CLEC2B: variants seen among roughly 807,000 people sequenced by gnomAD.
The protein encoded by CLEC2B is C-type (calcium dependent, carbohydrate-recognition domain) lectin, superfamily member 2 (activation-induced).
Under a neutral mutation model 16.2 loss-of-function variants are expected in CLEC2B, and 14 were observed. The ratio of observed to expected loss-of-function variants is 0.86; its 90% CI spans 0.57 to 1.35. CLEC2B has a LOEUF of 1.35. Ranked by LOEUF, CLEC2B falls within the 40% of genes most tolerant of loss-of-function variation. The pLI, the probability that CLEC2B is intolerant of heterozygous loss-of-function variation, is 0.00. For synonymous variants in CLEC2B, 42 were observed against 55.8 expected (o/e 0.75, Z 1.10); for missense variants, 166 against 182.3 (o/e 0.91, Z 0.52).
At chr12:9,864,159 T>A (rs1867953226) in intron 1 of CLEC2B, among the ~76,000 whole-genome samples, 1 of 71,178 alleles carries the variant, frequency 1.4e-5, no homozygotes, top group African/African-American at 4.4e-5. Context: ...ATTTTTTAAG[T>A]GCTGAAAAAA....
chr12:9,864,063 A>G (rs1288511161), intron 1 of CLEC2B, among the ~76,000 whole-genome samples: 1 of 151,908 alleles, frequency 6.6e-6, no homozygotes, highest in Non-Finnish European at 1.5e-5. Context: ...AAGAGAAGAG[A>G]AGCAAATAAT....
chr12:9,866,328 T>C (rs2136982105), intron 1 of CLEC2B, among the ~76,000 whole-genome samples: 1 of 152,272 alleles, frequency 6.6e-6, no homozygotes, highest in Admixed American at 6.5e-5. Flanking sequence ...TCCCCATGAA[T>C]TGGCATAATG....
In CLEC2B at chr12:9,856,196, A is replaced by ACATTTATT. The variant is rs573031531; in HGVS notation, c.237+1270_237+1277dup. Reference sequence around the variant, plus strand: ...TGCTGACAATATTCCTATAGTGGACACATTTATTTTAATATTGATTGTCTT... The same window carrying ACATTTATT: ...TGCTGACAATATTCCTATAGTGGACACATTTATTCATTTATTTTAATATTGATTGTCTT... On this transcript the variant is annotated intron_variant, in intron 3 of 4. Transcript: ENST00000228438. 1.4e-3 allele frequency among the ~76,000 whole-genome samples: 213 copies of ACATTTATT among 152,174 alleles called. 2 individuals carry two copies. Among genetic ancestry groups the ACATTTATT allele is most frequent in the African/African-American group, 4.9e-3 (202 of 41,548 alleles).
intron 1 of CLEC2B, among the ~76,000 whole-genome samples, chr12:9,865,866 C>T (rs1225868213): frequency 2.0e-5 from 3 of 152,084 alleles, no homozygotes; most frequent in Non-Finnish European, 4.4e-5. Flanking sequence ...TCAGAAACTG[C>T]ACAAACATGA....
chr12:9,865,801 A>G (rs1160711637), intron 1 of CLEC2B, among the ~76,000 whole-genome samples: 1 of 152,194 alleles, frequency 6.6e-6, no homozygotes, highest in African/African-American at 2.4e-5. Flanking sequence ...AATCTAATCA[A>G]GTATCTTTTC....
chr12:9,864,782 A>G (rs982857850), intron 1 of CLEC2B, among the ~76,000 whole-genome samples: 1 of 152,016 alleles, frequency 6.6e-6, no homozygotes, highest in Admixed American at 6.6e-5. Flanking sequence ...AAAAGAAAAA[A>G]GAGAGAAATT....
chr12:9,868,553 A>T (rs1233807314), intron 1 of CLEC2B, among the ~76,000 whole-genome samples: 2 of 152,124 alleles, frequency 1.3e-5, no homozygotes, highest in Non-Finnish European at 2.9e-5. Flanking sequence ...TTTCTCTTTC[A>T]AATATTTTGA....
intron 2 of CLEC2B, among the ~76,000 whole-genome samples, chr12:9,860,188 GT>G (rs1332827191): frequency 6.6e-6 from 1 of 151,550 alleles, no homozygotes; most frequent in Non-Finnish European, 1.5e-5. Context: ...AAGGCATAAG[GT>G]TTCCAACAGA....
chr12:9,865,695 A>G (rs1363588198), intron 1 of CLEC2B, among the ~76,000 whole-genome samples: 1 of 152,228 alleles, frequency 6.6e-6, no homozygotes, highest in Non-Finnish European at 1.5e-5. Flanking sequence ...GCACTGCTGC[A>G]GAATACTCAT....
At position 9,854,378 on chromosome 12, in the gene CLEC2B, C is replaced by T. The variant is rs779319733; in HGVS notation, c.341+3G>A. ...AAGTGATCCCAGAAAAAAATAAACT[C>T]ACGATTTGGTAAATGTAGCTCCATC... On this transcript the variant is annotated splice_donor_region_variant and intron_variant, in intron 4 of 4. Coordinates refer to ENST00000228438, the MANE Select transcript of CLEC2B (RefSeq NM_005127.3). 1.2e-6 allele frequency: 2 copies of T among 1,600,150 alleles called. No individual in the cohort carries two copies. Among genetic ancestry groups the T allele is most frequent in the Non-Finnish European group, 1.7e-6 (2 of 1,169,054 alleles).
chr12:9,855,201 T>C (rs1413027145), intron 3 of CLEC2B, among the ~76,000 whole-genome samples: 2 of 152,084 alleles, frequency 1.3e-5, no homozygotes, highest in Non-Finnish European at 2.9e-5. Context: ...CACTCTACTT[T>C]TCAATTTAAG....
In CLEC2B at chr12:9,854,478, G is replaced by A; in HGVS notation, c.244C>T (p.Leu82Phe). 2 of 1,609,384 alleles carry A rather than the reference G, an allele frequency of 1.2e-6. No homozygotes were observed. The highest frequency in any genetic ancestry group is 1.7e-6 in the Non-Finnish European group (2 of 1,175,876). ...IIDNIEEMNF[L>F]RRYKCSSDHW... is the part of the protein sequence containing the mutation. ...TCAGAACTGCATTTATACCGCCTAA[G>A]AAAATTCTTTAGAGACAAAATTAAT... Residue 82 changes from leucine to phenylalanine, a missense_variant, in exon 4 of 5, where the codon CTT becomes TTT. By Grantham distance (22) the Leu-to-Phe change is conservative. Transcript: ENST00000228438.
At chr12:9,856,989 T>G (rs1348355661) in intron 3 of CLEC2B, 1 of 153,288 alleles carries the variant, frequency 6.5e-6, no homozygotes, top group East Asian at 1.9e-4. Context: ...ATCTGCTCAC[T>G]GAAAACTTAC....
rs2136983537 is a variant in CLEC2B at position 9,869,309 on chromosome 12, AT to A, written c.-108del. On this transcript the variant is annotated 5_prime_UTR_variant, in exon 1 of 5. Transcript: ENST00000228438. ...AACTTTATTTAACTTTAATATAAAA[AT>A]GTTACTCTTGTTTTTACAGCACAGC... The A allele has an allele frequency of 6.6e-6, 1 of 152,290 alleles. No individual in the cohort carries two copies. Among genetic ancestry groups the A allele is most frequent in the East Asian group, 1.9e-4 (1 of 5,190 alleles). The allele number at this position is 152,290 out of a possible 1,614,324, so 9.4% of individuals were successfully genotyped here.
In CLEC2B at chr12:9,853,128, C is replaced by A; in HGVS notation, c.*172G>T. On this transcript the variant is annotated 3_prime_UTR_variant, in exon 5 of 5. Coordinates refer to ENST00000228438, the MANE Select transcript of CLEC2B (RefSeq NM_005127.3). ...GAAAGAAAAAAACTCAGCAGAATAC[C>A]TGTAACCATTTTTTGCCAATCTTTG... 1.9e-5 allele frequency: 9 copies of A among 480,468 alleles called. No individual in the cohort carries two copies. The highest frequency in any genetic ancestry group is 5.5e-5 in the South Asian group (2 of 36,692). 29.8% of individuals were successfully genotyped at this position (480,468 alleles called of 1,614,324 possible).
intron 1 of CLEC2B, among the ~76,000 whole-genome samples, chr12:9,866,127 T>C (rs1436651649): frequency 6.6e-6 from 1 of 152,062 alleles, no homozygotes; most frequent in Non-Finnish European, 1.5e-5. Flanking sequence ...CCCAAATTAG[T>C]AGAAAAAAGA....
chr12:9,855,349 G>T (rs746774689), intron 3 of CLEC2B, among the ~76,000 whole-genome samples: 9 of 151,960 alleles, frequency 5.9e-5, no homozygotes, highest in Admixed American at 1.3e-4. Flanking sequence ...AAAATAATTA[G>T]TTGGGCTAAG....
rs1867865140 is a variant in CLEC2B, at chr12:9,853,256, TAATA to T, written c.*40_*43del. On this transcript the variant is annotated 3_prime_UTR_variant, in exon 5 of 5. Transcript: ENST00000228438. Reference sequence around the variant, plus strand: ...AAAAGTACTTTGCTGGTTTTACACTTAATAATGTTATTTTCTATTTTCCCCATTA... The same window carrying T: ...AAAAGTACTTTGCTGGTTTTACACTTATGTTATTTTCTATTTTCCCCATTA... 2 of 1,430,366 alleles carry T rather than the reference TAATA, an allele frequency of 1.4e-6. No homozygotes were observed. Among genetic ancestry groups the T allele is most frequent in the Non-Finnish European group, 9.8e-7 (1 of 1,017,574 alleles). 88.6% of individuals were successfully genotyped at this position (1,430,366 alleles called of 1,614,324 possible). A position where few individuals can be genotyped will look rare whatever the true frequency, so the allele number is the denominator to read the frequency against.
chr12:9,865,180 C>CAAAAAAAAAAAAAAAAAACA (rs1867961395), intron 1 of CLEC2B, among the ~76,000 whole-genome samples: 1 of 99,104 alleles, frequency 1.0e-5, no homozygotes. Context: ...AAGACTCTCT[C>CAAAAAAAAAAAAAAAAAACA]AAAAAAAAAA....
Sources: gnomAD v4.1 joint callset for allele counts (sites outside exome capture counted in the v4.1 genomes callset) on GRCh38, gnomAD v4.1.1 for gene constraint, MANE v1.5 for transcripts, NCBI Gene and HGNC (gene_info 2026-07-23, HGNC 2026-07-21) for gene names.